The following RORA variants were observed in gnomAD, a reference collection of about 807,000 sequenced individuals.
The protein encoded by RORA is nuclear receptor ROR-alpha.
RORA carries 7 observed loss-of-function variants against 69.5 expected under a neutral mutation model. The observed-to-expected ratio is 0.10, with a 90% confidence interval of 0.06 to 0.19. RORA has a LOEUF of 0.19. Among genes scored for constraint, RORA ranks in the 10% least tolerant of loss-of-function variants. The pLI, the probability that RORA is intolerant of heterozygous loss-of-function variation, is 1.00. For missense variants in RORA, 457 were observed against 663.0 expected, an observed-to-expected ratio of 0.69 and a Z score of 3.41; for synonymous variants, 261 against 240.8, an observed-to-expected ratio of 1.08 and a Z score of -0.78.
intron 1 of RORA, among the ~76,000 whole-genome samples, chr15:60,999,994 T>C (rs1437536677): frequency 6.6e-6 from 1 of 152,058 alleles, no homozygotes; most frequent in Non-Finnish European, 1.5e-5. Flanking sequence ...TACTTCAAGA[T>C]TGCAAGGGGG....
In RORA at chr15:60,494,009, A is replaced by T. The variant is rs2065106274; in HGVS notation, c.*3446T>A. 6.7e-6 allele frequency: 1 copy of T among 148,862 alleles called. No homozygotes were observed. Among genetic ancestry groups the T allele is most frequent in the Admixed American group, 6.8e-5 (1 of 14,802 alleles). 9.2% of individuals were successfully genotyped at this position (148,862 alleles called of 1,614,324 possible). A position where few individuals can be genotyped will look rare whatever the true frequency, so the allele number is the denominator to read the frequency against. ...CACACTCCTTCCTCACCTGACCCTCAGCCCACCCCCATACGCTCACAGATA... is the reference window on the plus strand; with the variant it reads ...CACACTCCTTCCTCACCTGACCCTCTGCCCACCCCCATACGCTCACAGATA... On this transcript the variant is annotated 3_prime_UTR_variant, in exon 11 of 11. Coordinates refer to ENST00000335670, the MANE Select transcript of RORA (RefSeq NM_134261.3).
chr15:60,598,654 CT>C (rs2068750565), intron 2 of RORA: 1 of 152,178 alleles, frequency 6.6e-6, no homozygotes, highest in East Asian at 1.9e-4. Flanking sequence ...GGCAAGGCTT[CT>C]AGTCAACAGT....
At chr15:61,047,953 G>A (rs1897112262) in intron 1 of RORA, among the ~76,000 whole-genome samples, 1 of 152,156 alleles carries the variant, frequency 6.6e-6, no homozygotes, top group African/African-American at 2.4e-5. Flanking sequence ...TGGCAAAAAT[G>A]AGCAACGTTA....
chr15:61,168,731 A>C (rs1388030159), intron 1 of RORA, among the ~76,000 whole-genome samples: 1 of 152,184 alleles, frequency 6.6e-6, no homozygotes, highest in Non-Finnish European at 1.5e-5. Context: ...GAGTCTGCTC[A>C]GTCTGGTGGA....
chr15:61,019,575 G>A (rs1465394467), intron 1 of RORA, among the ~76,000 whole-genome samples: 1 of 152,144 alleles, frequency 6.6e-6, no homozygotes, highest in Non-Finnish European at 1.5e-5. Flanking sequence ...CTCAAAAGAG[G>A]TGGGGTTGTT....
At chr15:60,912,652 G>C (rs1891764128) in intron 1 of RORA, among the ~76,000 whole-genome samples, 1 of 152,150 alleles carries the variant, frequency 6.6e-6, no homozygotes, top group Admixed American at 6.5e-5. Context: ...TCCTCAGGAG[G>C]CTGAGGCAGG....
chr15:61,155,971 G>A (rs973376362), intron 1 of RORA, among the ~76,000 whole-genome samples: 3 of 152,140 alleles, frequency 2.0e-5, no homozygotes, highest in Admixed American at 6.5e-5. Flanking sequence ...AGAAGACACC[G>A]TTGACGTCTC....
intron 1 of RORA, among the ~76,000 whole-genome samples, chr15:60,850,030 GA>G (rs1453300796): frequency 6.6e-6 from 1 of 152,182 alleles, no homozygotes; most frequent in Non-Finnish European, 1.5e-5. Context: ...GGAAGACATA[GA>G]TAATTTTCCA....
intron 2 of RORA, among the ~76,000 whole-genome samples, chr15:60,588,811 C>T (rs112825913): frequency 1.3e-5 from 2 of 152,278 alleles, no homozygotes; most frequent in African/African-American, 4.8e-5. Context: ...ATATGGTTCT[C>T]AATTCAAATC....
At chr15:60,687,561 C>A (rs889190040) in intron 1 of RORA, among the ~76,000 whole-genome samples, 2 of 152,124 alleles carry the variant, frequency 1.3e-5, no homozygotes, top group African/African-American at 4.8e-5. Flanking sequence ...ACCAGCCTGG[C>A]CAACATGGTG....
chr15:61,036,314 A>G (rs1896455162), intron 1 of RORA, among the ~76,000 whole-genome samples: 1 of 152,088 alleles, frequency 6.6e-6, no homozygotes, highest in Non-Finnish European at 1.5e-5. Flanking sequence ...TCTTTAGAGG[A>G]AGTAGAGGTT....
At chr15:60,876,003 T>C (rs918217246) in intron 1 of RORA, among the ~76,000 whole-genome samples, 4 of 152,180 alleles carry the variant, frequency 2.6e-5, no homozygotes, top group African/African-American at 9.7e-5. Context: ...AAAAACTTCT[T>C]TGAAGACCAC....
chr15:61,171,944 A>G (rs1246916996), intron 1 of RORA, among the ~76,000 whole-genome samples: 1 of 152,162 alleles, frequency 6.6e-6, no homozygotes, highest in Non-Finnish European at 1.5e-5. Flanking sequence ...TCAAGTTCTC[A>G]AGTGTGCTTC....
chr15:61,070,012 GT>G (rs1411094249), intron 1 of RORA, among the ~76,000 whole-genome samples: 2 of 152,052 alleles, frequency 1.3e-5, no homozygotes, highest in African/African-American at 4.8e-5. Context: ...TTAAAAGTAT[GT>G]TTATTTTTTC....
chr15:60,872,929 C>A (rs2073572651), intron 1 of RORA, among the ~76,000 whole-genome samples: 1 of 152,042 alleles, frequency 6.6e-6, no homozygotes, highest in Non-Finnish European at 1.5e-5. Context: ...TCTGGGGTGC[C>A]CTTCCATATC....
chr15:60,641,363 A>G (rs1403752722), intron 2 of RORA, among the ~76,000 whole-genome samples: 1 of 152,142 alleles, frequency 6.6e-6, no homozygotes, highest in Non-Finnish European at 1.5e-5. Flanking sequence ...ATGGGATAAA[A>G]ATATCGTCCT....
intron 1 of RORA, among the ~76,000 whole-genome samples, chr15:61,037,675 T>C (rs911091570): frequency 1.3e-5 from 2 of 152,196 alleles, no homozygotes; most frequent in African/African-American, 4.8e-5. Context: ...GAGATTCACC[T>C]AGATGCTGAG....
At chr15:60,954,293 G>A (rs1262344390) in intron 1 of RORA, among the ~76,000 whole-genome samples, 1 of 131,086 alleles carries the variant, frequency 7.6e-6, no homozygotes, top group Non-Finnish European at 1.6e-5. Flanking sequence ...GGACGGTGGT[G>A]GGGTGGGGGG....
At chr15:61,204,812 C>A (rs770692952) in intron 1 of RORA, among the ~76,000 whole-genome samples, 5 of 152,292 alleles carry the variant, frequency 3.3e-5, no homozygotes, top group Non-Finnish European at 7.4e-5. Flanking sequence ...TGAGACTGTG[C>A]GTGAACAGGT....
Sources: allele counts gnomAD v4.1 joint callset (sites outside exome capture counted in the v4.1 genomes callset), GRCh38; gene constraint gnomAD v4.1.1; transcripts MANE v1.5; gene names NCBI Gene and HGNC (gene_info 2026-07-23, HGNC 2026-07-21).